The following GEM variants were observed in gnomAD, a reference collection of about 807,000 sequenced individuals.
The protein encoded by GEM is GTP binding protein overexpressed in skeletal muscle, also known as GTP-binding protein GEM.
GEM carries 31 observed loss-of-function variants against 33.0 expected under a neutral mutation model. The ratio of observed to expected loss-of-function variants is 0.94; its 90% CI spans 0.71 to 1.27. The LOEUF is 1.27. Among genes scored for constraint, GEM ranks in the 50% most tolerant of loss-of-function variants. GEM has a pLI of 0.00. For synonymous variants in GEM, 141 were observed against 143.7 expected, an observed-to-expected ratio of 0.98 and a Z score of 0.13; for missense variants, 354 against 390.5, an observed-to-expected ratio of 0.91 and a Z score of 0.79.
At position 94,252,031 on chromosome 8, in the gene GEM, C is replaced by T; in HGVS notation, c.601G>A (p.Val201Met). Residue 201 changes from valine to methionine, a missense_variant, in exon 4 of 5, where the codon GTG becomes ATG. Coordinates refer to ENST00000297596, the MANE Select transcript of GEM (RefSeq NM_005261.4). ...CTGCTCCTCTTACCTGATACAGACA[C>T]TTCTCGGCACCGCACTAAGTCACTT... ...NKSDLVRCRE[V>M]SVSEGRACAV... 1.9e-6 allele frequency: 3 copies of T among 1,612,786 alleles called. No individual in the cohort carries two copies. Among genetic ancestry groups the T allele is most frequent in the Non-Finnish European group, 2.5e-6 (3 of 1,178,740 alleles).
intron 1 of GEM, among the ~76,000 whole-genome samples, chr8:94,261,002 C>A (rs1046757323): frequency 2.0e-5 from 3 of 152,174 alleles, no homozygotes; most frequent in African/African-American, 7.2e-5. Flanking sequence ...CAGTGGGAAA[C>A]ACGTGGCAAT....
rs1809039567 is a variant in GEM, at chr8:94,262,247, G to A, written c.-167C>T. 1 of 152,214 alleles carries A rather than the reference G, an allele frequency of 6.6e-6. No individual in the cohort carries two copies. The highest frequency in any genetic ancestry group is 1.5e-5 in the Non-Finnish European group (1 of 68,050). 9.4% of individuals were successfully genotyped at this position (152,214 alleles called of 1,614,324 possible). ...GCGTCGGGGCGTCAGCGTATCGCGT[G>A]GGTCCGCGCTGGGATACCCGGGCCA... On this transcript the variant is annotated 5_prime_UTR_variant, in exon 1 of 5. Transcript: ENST00000297596.
rs971936069 is a variant in GEM at position 94,252,247 on chromosome 8, G to A, written c.409-24C>T. Reference sequence around the variant, plus strand: ...CCCTAATGAAACAATAAGATCTTCTGTGAGTTCAGTTAGGCCTGGGGAATA... The same window carrying A: ...CCCTAATGAAACAATAAGATCTTCTATGAGTTCAGTTAGGCCTGGGGAATA... On this transcript the variant is annotated intron_variant, in intron 3 of 4. Coordinates refer to ENST00000297596, the MANE Select transcript of GEM (RefSeq NM_005261.4). 7 of 1,486,736 alleles carry A rather than the reference G, an allele frequency of 4.7e-6. No individual in the cohort carries two copies. The African/African-American group carries it at 9.7e-5, about 20-fold the overall frequency. The allele number at this position is 1,486,736 out of a possible 1,614,324, so 92.1% of individuals were successfully genotyped here.
intron 4 of GEM, 72 bp from the exon 5 acceptor site, chr8:94,250,659 G>T: frequency 7.8e-7 from 1 of 1,278,704 alleles, no homozygotes; most frequent in Non-Finnish European, 1.1e-6. Flanking sequence ...AAGCTGGATG[G>T]TTCTTCGAGG....
intron 1 of GEM, among the ~76,000 whole-genome samples, chr8:94,261,338 C>A (rs558755617): frequency 6.6e-6 from 1 of 152,262 alleles, no homozygotes; most frequent in Admixed American, 6.5e-5. Flanking sequence ...CTCAAGAGTT[C>A]TTTAATTCAA....
At chr8:94,260,008 C>T (rs902361084) in intron 2 of GEM, 165 bp downstream of exon 2, 9 of 551,856 alleles carry the variant, frequency 1.6e-5, no homozygotes, top group South Asian at 2.8e-5. Flanking sequence ...TTTTCTTGCC[C>T]GAAAGCCTGT....
chr8:94,257,510 G>A (rs555596379), intron 2 of GEM, among the ~76,000 whole-genome samples: 38 of 152,272 alleles, frequency 2.5e-4, no homozygotes, highest in African/African-American at 8.9e-4. Context: ...TCCACAGTCA[G>A]AGGTAATCTT....
At position 94,253,109 on chromosome 8, in the gene GEM, T is replaced by C; in HGVS notation, c.335A>G (p.Asp112Gly). The C allele has an allele frequency of 6.4e-7, 1 of 1,555,394 alleles. No individual in the cohort carries two copies. Among genetic ancestry groups the C allele is most frequent in the Non-Finnish European group, 8.9e-7 (1 of 1,126,720 alleles). Residue 112 changes from aspartate (D) to glycine (G), a missense_variant, in exon 3 of 5, where the codon GAT (aspartate) becomes GGT (glycine). Asp to Gly is a moderately conservative substitution (Grantham distance 94, BLOSUM62 -1). Coordinates refer to ENST00000297596, the MANE Select transcript of GEM (RefSeq NM_005261.4). ...MDSDCEVLGE[D>G]TYERTLMVDG... is the part of the protein sequence containing the mutation. The stretch of plus-strand genomic sequence containing the variant: ...AACCATCAGGGTTCGTTCATATGTA[T>C]CTTCTAGAGAAGAAAGAACAAAGAT...
intron 2 of GEM, among the ~76,000 whole-genome samples, chr8:94,255,257 T>C (rs1808861727): frequency 1.3e-5 from 2 of 152,180 alleles, no homozygotes; most frequent in African/African-American, 4.8e-5. Context: ...TTAAGAGATA[T>C]CAGAACAAGT....
intron 1 of GEM, chr8:94,260,720 C>T (rs1809004116): frequency 3.9e-6 from 2 of 519,252 alleles, no homozygotes; most frequent in East Asian, 6.0e-5. Flanking sequence ...CTGTCAGTAA[C>T]CAGCTCCTCA....
rs1808725995 is a variant in GEM, at chr8:94,250,076, AAG to A, written c.*232_*233del. 1.9e-6 allele frequency: 1 copy of A among 523,192 alleles called. No individual in the cohort carries two copies. The allele number at this position is 523,192 out of a possible 1,614,324, so 32.4% of individuals were successfully genotyped here. On this transcript the variant is annotated 3_prime_UTR_variant, in exon 5 of 5. Coordinates refer to ENST00000297596, the MANE Select transcript of GEM (RefSeq NM_005261.4). ...ATGTGAACACCAAACACATCCTCTA[AAG>A]AGTCTTGGGTGTTCAAATAGCAAGG... is the stretch of plus-strand genomic sequence containing the variant.
Position 94,260,476 on chromosome 8 carries a change from G to A in GEM, c.28C>T (p.Gln10Ter). Residue 10 changes from glutamine to a stop codon, truncating the protein, a stop_gained, in exon 2 of 5, where the codon CAG becomes TAG. Coordinates refer to ENST00000297596, the MANE Select transcript of GEM (RefSeq NM_005261.4). LOFTEE classifies it high-confidence loss of function. MTLNNVTMR[Q>*]GTVGMQPQQQ... Reference sequence around the variant, plus strand: ...TGTGGCTGCATGCCCACAGTGCCCTGGCGCATGGTGACATTATTCAGAGTC... The same window carrying A: ...TGTGGCTGCATGCCCACAGTGCCCTAGCGCATGGTGACATTATTCAGAGTC... The A allele has an allele frequency of 6.2e-7, 1 of 1,607,484 alleles. No homozygotes were observed. The highest frequency in any genetic ancestry group is 8.5e-7 in the Non-Finnish European group (1 of 1,175,300).
rs555657855 is a variant in GEM at position 94,256,929 on chromosome 8, G to A, written c.331+3244C>T. ...GAGGTATTACCCCAATTACACTAAT[G>A]AGGCAGCTTGAGGAGGCTAAGTGGC... On this transcript the variant is annotated intron_variant, in intron 2 of 4. Coordinates refer to ENST00000297596, the MANE Select transcript of GEM (RefSeq NM_005261.4). Among the ~76,000 whole-genome samples the A allele has an allele frequency of 6.6e-5, 10 of 152,230 alleles. No homozygotes were observed. In the South Asian group the frequency reaches 2.1e-3, roughly 32 times the overall value.
chr8:94,250,719 AT>A (rs200101390), intron 4 of GEM, 132 bp from the exon 5 acceptor site: 1 of 619,716 alleles, frequency 1.6e-6, no homozygotes, highest in Non-Finnish European at 2.6e-6. Context: ...CTGCTGCGGC[AT>A]GGGCCCTCCC....
rs1808979992 is a variant in GEM, at chr8:94,260,034, G to A, written c.331+139C>T. On this transcript the variant is annotated intron_variant, in intron 2 of 4. Transcript: ENST00000297596. ...GAAAGCCTGTGCTTGGGCTTTTCTAGAGACTCAGCTCCCCCATCAATTGTC... is the reference window on the plus strand; with the variant it reads ...GAAAGCCTGTGCTTGGGCTTTTCTAAAGACTCAGCTCCCCCATCAATTGTC... 4 of 596,108 alleles carry A rather than the reference G, an allele frequency of 6.7e-6. No individual in the cohort carries two copies. In the South Asian group the frequency reaches 9.5e-5, roughly 14 times the overall value. 36.9% of individuals were successfully genotyped at this position (596,108 alleles called of 1,614,324 possible). A position where few individuals can be genotyped will look rare whatever the true frequency, so the allele number is the denominator to read the frequency against.
At chr8:94,257,773 T>C (rs1485443438) in intron 2 of GEM, among the ~76,000 whole-genome samples, 1 of 151,908 alleles carries the variant, frequency 6.6e-6, no homozygotes, top group Non-Finnish European at 1.5e-5. Context: ...ATAAGATTAC[T>C]GTAGTGTAAC....
chr8:94,256,682 G>A (rs73268152), intron 2 of GEM, among the ~76,000 whole-genome samples: 2,680 of 152,200 alleles, frequency 0.018, 85 homozygotes, highest in African/African-American at 0.061. Context: ...TACTGGCCCC[G>A]GTCCCCTCTG....
intron 1 of GEM, chr8:94,260,769 A>C (rs1187294663): frequency 2.5e-6 from 1 of 400,218 alleles, no homozygotes; most frequent in East Asian, 4.1e-5. Flanking sequence ...AATACGGTTA[A>C]CATCACCCAC....
At chr8:94,261,033 T>C (rs1005070501) in intron 1 of GEM, among the ~76,000 whole-genome samples, 1 of 152,150 alleles carries the variant, frequency 6.6e-6, no homozygotes, top group Non-Finnish European at 1.5e-5. Context: ...TCCCCTCCCC[T>C]GCCCACTGCA....
Sources: gnomAD v4.1 joint callset for allele counts (sites outside exome capture counted in the v4.1 genomes callset) on GRCh38, gnomAD v4.1.1 for gene constraint, MANE v1.5 for transcripts, NCBI Gene and HGNC (gene_info 2026-07-23, HGNC 2026-07-21) for gene names.